The following DLG2 variants were observed in gnomAD, a reference collection of about 807,000 sequenced individuals.
DLG2 encodes the protein disks large homolog 2.
Under a neutral mutation model 132.5 loss-of-function variants are expected in DLG2, and 45 were observed. That is an observed-to-expected ratio of 0.34 (90% CI 0.27 to 0.44). DLG2 has a LOEUF of 0.44. Among genes scored for constraint, DLG2 ranks in the 20% least tolerant of loss-of-function variants. The pLI, the probability that DLG2 is intolerant of heterozygous loss-of-function variation, is 1.00. For missense variants in DLG2, 1,045 were observed against 1,196.9 expected (o/e 0.87, Z 1.87); for synonymous variants, 424 against 419.6 (o/e 1.01, Z -0.13).
At chr11:85,473,651 G>A (rs986772575) in intron 3 of DLG2, among the ~76,000 whole-genome samples, 2 of 151,850 alleles carry the variant, frequency 1.3e-5, no homozygotes, top group African/African-American at 4.8e-5. Flanking sequence ...ATTATACAAT[G>A]TATCAAAAAA....
chr11:84,031,232 TAA>T lies in DLG2; in HGVS notation c.919+28081_919+28082del, dbSNP rs34137957. On this transcript the variant is annotated intron_variant, in intron 11 of 27. Coordinates refer to ENST00000376104, the MANE Select transcript of DLG2 (RefSeq NM_001142699.3). ...TCATCTCTCCTCTATTCCAGAAAGG[TAA>T]AAAAAAAAAAAAAAATGAATATAGG... 7.4e-3 allele frequency among the ~76,000 whole-genome samples: 1,021 copies of T among 138,526 alleles called. 1 individual carries two copies. Among genetic ancestry groups the T allele is most frequent in the Middle Eastern group, 0.015 (4 of 272 alleles). The allele number at this position is 138,526 out of a possible 152,430, so 90.9% of individuals were successfully genotyped here. A position where few individuals can be genotyped will look rare whatever the true frequency, so the allele number is the denominator to read the frequency against.
chr11:84,244,277 G>C (rs982131594), intron 8 of DLG2, among the ~76,000 whole-genome samples: 2 of 151,892 alleles, frequency 1.3e-5, no homozygotes, highest in African/African-American at 4.8e-5. Flanking sequence ...TCCGCCTCCC[G>C]GGTTCAAGTG....
chr11:85,175,714 C>T (rs915751118), intron 4 of DLG2, among the ~76,000 whole-genome samples: 4 of 152,108 alleles, frequency 2.6e-5, no homozygotes, highest in African/African-American at 9.7e-5. Flanking sequence ...CTAGAAAACT[C>T]TGCCGTCACC....
intron 7 of DLG2, among the ~76,000 whole-genome samples, chr11:84,350,776 T>G (rs2098561824): frequency 6.6e-6 from 1 of 152,198 alleles, no homozygotes; most frequent in South Asian, 2.1e-4. Context: ...TCACTTTTCA[T>G]ACTTATTAAA....
At chr11:84,399,394 T>C (rs1321819646) in intron 7 of DLG2, among the ~76,000 whole-genome samples, 1 of 152,142 alleles carries the variant, frequency 6.6e-6, no homozygotes, top group African/African-American at 2.4e-5. Flanking sequence ...TCCTACAGGA[T>C]AGGAGCCATG....
At chr11:85,070,853 T>C (rs760467025) in intron 6 of DLG2, among the ~76,000 whole-genome samples, 4 of 151,874 alleles carry the variant, frequency 2.6e-5, no homozygotes, top group African/African-American at 2.4e-5. Flanking sequence ...GAAATGTCTA[T>C]AATGTTACAA....
chr11:85,190,813 C>T (rs946082486), intron 4 of DLG2, among the ~76,000 whole-genome samples: 1 of 152,076 alleles, frequency 6.6e-6, no homozygotes, highest in African/African-American at 2.4e-5. Context: ...AATGAAATAC[C>T]ATCTTACACT....
chr11:84,190,868 G>C (rs899431823), intron 8 of DLG2, among the ~76,000 whole-genome samples: 1 of 152,052 alleles, frequency 6.6e-6, no homozygotes, highest in Non-Finnish European at 1.5e-5. Context: ...AACAGCTATC[G>C]TAATAATCTA....
chr11:84,545,624 T>C (rs1205451257), intron 6 of DLG2: 5 of 325,750 alleles, frequency 1.5e-5, no homozygotes, highest in Non-Finnish European at 2.4e-5. Context: ...TTCAATCTTA[T>C]TCATAGAGTC....
At chr11:84,543,448 A>C (rs2154522597) in intron 6 of DLG2, among the ~76,000 whole-genome samples, 1 of 152,030 alleles carries the variant, frequency 6.6e-6, no homozygotes. Flanking sequence ...TTCTTCATAA[A>C]CCTTGGCACA....
chr11:84,083,805 A>G (rs1437374026), intron 10 of DLG2, among the ~76,000 whole-genome samples: 1 of 152,200 alleles, frequency 6.6e-6, no homozygotes, highest in African/African-American at 2.4e-5. Context: ...ATCCTGTTAC[A>G]GTAACCAAAA....
intron 3 of DLG2, among the ~76,000 whole-genome samples, chr11:85,576,637 G>A (rs1294608204): frequency 6.6e-6 from 1 of 152,108 alleles, no homozygotes; most frequent in African/African-American, 2.4e-5. Context: ...TTTTCCCTCA[G>A]TCACAAAATT....
At chr11:84,923,252 T>C in intron 6 of DLG2, 1 of 1,515,794 alleles carries the variant, frequency 6.6e-7, no homozygotes, top group Non-Finnish European at 8.8e-7. Context: ...TTGATCTCTG[T>C]TTTCTCTGAC....
chr11:84,299,635 A>G (rs990788806), intron 7 of DLG2, among the ~76,000 whole-genome samples: 4 of 152,196 alleles, frequency 2.6e-5, no homozygotes, highest in Non-Finnish European at 5.9e-5. Flanking sequence ...AGTGAACTGC[A>G]AAGAGTGGTA....
At position 85,171,076 on chromosome 11, in the gene DLG2, C is replaced by A. The variant is rs886552893; in HGVS notation, c.187-16425G>T. Among the ~76,000 whole-genome samples the A allele has an allele frequency of 7.2e-5, 11 of 152,108 alleles. 1 individual carries two copies. The highest frequency in any genetic ancestry group is 5.9e-5 in the Non-Finnish European group (4 of 68,022). On this transcript the variant is annotated intron_variant, in intron 4 of 27. Coordinates refer to ENST00000376104, the MANE Select transcript of DLG2 (RefSeq NM_001142699.3). ...TAATTGTTTGGAAAAGAAGGTGATA[C>A]ACAAAATATTTACCTAAATGCAAAA...
intron 18 of DLG2, among the ~76,000 whole-genome samples, chr11:83,780,740 G>A (rs1010907173): frequency 6.6e-6 from 1 of 152,130 alleles, no homozygotes; most frequent in Non-Finnish European, 1.5e-5. Context: ...GAGCTGAATG[G>A]CACATGAACT....
chr11:83,722,531 G>C (rs879331968), intron 18 of DLG2, among the ~76,000 whole-genome samples: 45 of 152,138 alleles, frequency 3.0e-4, no homozygotes, highest in Non-Finnish European at 4.4e-4. Context: ...CTCCAGTCCA[G>C]CAAGTTTACC....
intron 6 of DLG2, among the ~76,000 whole-genome samples, chr11:84,898,769 T>C (rs11603955): frequency 0.16 from 24,290 of 151,916 alleles, 2,484 homozygotes; most frequent in African/African-American, 0.28. Flanking sequence ...AAAAACTATC[T>C]AGCTATCTTC....
At chr11:84,698,673 CTAAG>C (rs1045074335) in intron 6 of DLG2, among the ~76,000 whole-genome samples, 2 of 151,464 alleles carry the variant, frequency 1.3e-5, no homozygotes, top group African/African-American at 2.4e-5. Context: ...AAACGTTCTT[CTAAG>C]TAAGAAATAA....
Sources: allele counts gnomAD v4.1 joint callset (sites outside exome capture counted in the v4.1 genomes callset), GRCh38; gene constraint gnomAD v4.1.1; transcripts MANE v1.5; gene names NCBI Gene and HGNC (gene_info 2026-07-23, HGNC 2026-07-21).